The following GRM8 variants were observed in gnomAD, a reference collection of about 807,000 sequenced individuals.
GRM8 encodes the protein metabotropic glutamate receptor 8.
Under a neutral mutation model 87.2 loss-of-function variants are expected in GRM8, and 47 were observed. That is an observed-to-expected ratio of 0.54 (90% CI 0.43 to 0.69). The LOEUF is 0.69. Among genes scored for constraint, GRM8 ranks in the 30% least tolerant of loss-of-function variants. The pLI is 0.00. For synonymous variants in GRM8, 396 were observed against 404.5 expected (o/e 0.98, Z 0.25); for missense variants, 1,019 against 1,139.2 (o/e 0.89, Z 1.52).
chr7:126,550,691 G>A (rs1792491647), intron 8 of GRM8, among the ~76,000 whole-genome samples: 1 of 151,688 alleles, frequency 6.6e-6, no homozygotes, highest in Non-Finnish European at 1.5e-5. Flanking sequence ...ACAAAAATTT[G>A]TATTATTCAA....
chr7:127,200,992 G>A (rs6975409), intron 2 of GRM8, among the ~76,000 whole-genome samples: 29,421 of 152,038 alleles, frequency 0.19, 3,197 homozygotes, highest in Non-Finnish European at 0.25. Flanking sequence ...TTCTCAACAA[G>A]TGCACAGCTT....
chr7:127,230,962 C>T (rs1300784917), intron 2 of GRM8, among the ~76,000 whole-genome samples: 1 of 152,232 alleles, frequency 6.6e-6, no homozygotes, highest in Non-Finnish European at 1.5e-5. Flanking sequence ...CAGGACCACA[C>T]TGTAGCCCTT....
chr7:127,134,376 A>G (rs1359148733), intron 2 of GRM8, among the ~76,000 whole-genome samples: 1 of 152,218 alleles, frequency 6.6e-6, no homozygotes, highest in Non-Finnish European at 1.5e-5. Context: ...TTAAACAGTC[A>G]CATCTTGTTA....
At chr7:126,755,690 C>T (rs913311287) in intron 7 of GRM8, among the ~76,000 whole-genome samples, 2 of 151,856 alleles carry the variant, frequency 1.3e-5, no homozygotes, top group African/African-American at 4.8e-5. Flanking sequence ...TAACCTTATA[C>T]TGATGTTTTT....
intron 7 of GRM8, among the ~76,000 whole-genome samples, chr7:126,690,978 A>G (rs1256113891): frequency 6.6e-6 from 1 of 152,124 alleles, no homozygotes; most frequent in South Asian, 2.1e-4. Flanking sequence ...GGCCCAGAAA[A>G]AGCACGGCAA....
At chr7:126,606,307 T>C (rs755553916) in intron 8 of GRM8, among the ~76,000 whole-genome samples, 36 of 152,150 alleles carry the variant, frequency 2.4e-4, no homozygotes, top group Middle Eastern at 3.2e-3. Context: ...ACTGACCACA[T>C]AGAATATTGA....
chr7:126,932,511 G>C (rs1484613731), intron 3 of GRM8, among the ~76,000 whole-genome samples: 1 of 152,168 alleles, frequency 6.6e-6, no homozygotes, highest in Non-Finnish European at 1.5e-5. Flanking sequence ...ACAGGATTCT[G>C]AGAAAAATTA....
chr7:126,803,947 T>C (rs1317606476), intron 6 of GRM8, among the ~76,000 whole-genome samples: 2 of 152,256 alleles, frequency 1.3e-5, no homozygotes, highest in African/African-American at 4.8e-5. Flanking sequence ...TTATCATGAC[T>C]TAATGCAAGT....
intron 6 of GRM8, among the ~76,000 whole-genome samples, chr7:126,877,100 T>C (rs1402515855): frequency 6.6e-6 from 1 of 152,202 alleles, no homozygotes; most frequent in Admixed American, 6.5e-5. Flanking sequence ...CCCATACCCA[T>C]TGGCTTCTAA....
At chr7:126,462,442 T>C (rs142648959) in intron 9 of GRM8, among the ~76,000 whole-genome samples, 1 of 151,746 alleles carries the variant, frequency 6.6e-6, no homozygotes, top group African/African-American at 2.4e-5. Context: ...GTATTTCAGT[T>C]AGACAATTAG....
chr7:126,538,013 C>T (rs1816045109), intron 8 of GRM8, among the ~76,000 whole-genome samples: 1 of 152,152 alleles, frequency 6.6e-6, no homozygotes, highest in South Asian at 2.1e-4. Flanking sequence ...GTCTGAAATA[C>T]ATGGTATAAC....
chr7:126,903,509 AACTG>A (rs2131216629), intron 5 of GRM8, among the ~76,000 whole-genome samples: 1 of 151,272 alleles, frequency 6.6e-6, no homozygotes, highest in East Asian at 1.9e-4. Flanking sequence ...TAATGGAAAT[AACTG>A]ACTATGGTCT....
intron 8 of GRM8, among the ~76,000 whole-genome samples, chr7:126,547,685 A>G (rs9942681): frequency 0.36 from 54,654 of 151,708 alleles, 9,985 homozygotes; most frequent in East Asian, 0.44. Context: ...AGAAGAATTC[A>G]TGGAAAAGCA....
At position 127,129,467 on chromosome 7, in the gene GRM8, C is replaced by G. The variant is rs1827555269; in HGVS notation, c.511-22755G>C. Among the ~76,000 whole-genome samples the G allele has an allele frequency of 2.6e-5, 4 of 152,098 alleles. No individual in the cohort carries two copies. In the South Asian group the frequency reaches 8.3e-4, roughly 31 times the overall value. ...ATTATATACTGAAAATATACATGTACTCATGTAAGTTAAATATTCAAAATA... is the reference window on the plus strand; with the variant it reads ...ATTATATACTGAAAATATACATGTAGTCATGTAAGTTAAATATTCAAAATA... On this transcript the variant is annotated intron_variant, in intron 2 of 10. Coordinates refer to ENST00000339582, the MANE Select transcript of GRM8 (RefSeq NM_000845.3).
chr7:127,110,692 A>G (rs752525731), intron 2 of GRM8, among the ~76,000 whole-genome samples: 20 of 152,098 alleles, frequency 1.3e-4, no homozygotes, highest in South Asian at 2.1e-4. Flanking sequence ...TTCTCTCACT[A>G]TATTCTCACT....
At chr7:126,632,920 C>T (rs1017516866) in intron 7 of GRM8, among the ~76,000 whole-genome samples, 5 of 152,020 alleles carry the variant, frequency 3.3e-5, no homozygotes, top group Admixed American at 6.6e-5. Flanking sequence ...GATATAGAGA[C>T]ACGTTTTTTT....
At chr7:126,532,354 G>T (rs1562927758) in intron 9 of GRM8, among the ~76,000 whole-genome samples, 1 of 152,138 alleles carries the variant, frequency 6.6e-6, no homozygotes, top group Non-Finnish European at 1.5e-5. Context: ...GGACTGAGAA[G>T]AAATAGTAAG....
intron 7 of GRM8, among the ~76,000 whole-genome samples, chr7:126,756,086 G>A (rs942695141): frequency 2.6e-5 from 4 of 151,704 alleles, no homozygotes; most frequent in African/African-American, 9.7e-5. Context: ...AAGAACACTT[G>A]ACTTCACTTT....
intron 7 of GRM8, among the ~76,000 whole-genome samples, chr7:126,686,946 G>C (rs1808254336): frequency 6.6e-6 from 1 of 152,182 alleles, no homozygotes; most frequent in Non-Finnish European, 1.5e-5. Flanking sequence ...TCCCTCTCAA[G>C]GTGCCTGTCA....
Sources: allele counts gnomAD v4.1 joint callset (sites outside exome capture counted in the v4.1 genomes callset), GRCh38; gene constraint gnomAD v4.1.1; transcripts MANE v1.5; gene names NCBI Gene and HGNC (gene_info 2026-07-23, HGNC 2026-07-21).